The following SND1 variants were observed in gnomAD, a reference collection of about 807,000 sequenced individuals.
SND1 encodes staphylococcal nuclease domain-containing protein 1.
SND1 carries 38 observed loss-of-function variants against 121.7 expected under a neutral mutation model. The observed-to-expected ratio is 0.31, with a 90% CI of 0.24 to 0.41. The LOEUF is 0.41. SND1 is among the 10% of genes least tolerant of loss of function. The pLI is 1.00. For synonymous variants in SND1, 401 were observed against 447.4 expected (o/e 0.90, Z 1.31); for missense variants, 868 against 1,184.6 (o/e 0.73, Z 3.92).
intron 10 of SND1, among the ~76,000 whole-genome samples, chr7:127,723,556 G>A (rs1195325879): frequency 6.6e-6 from 1 of 152,120 alleles, no homozygotes; most frequent in African/African-American, 2.4e-5. Context: ...TTTACTGAAG[G>A]GCCACGTAAG....
intron 15 of SND1, among the ~76,000 whole-genome samples, chr7:127,982,301 C>G (rs1055448290): frequency 5.9e-5 from 9 of 152,128 alleles, no homozygotes; most frequent in African/African-American, 2.2e-4. Flanking sequence ...ACAAATGCAT[C>G]AAACATTACA....
At chr7:127,667,400 C>T (rs560810139) in intron 1 of SND1, among the ~76,000 whole-genome samples, 5 of 152,242 alleles carry the variant, frequency 3.3e-5, no homozygotes, top group Non-Finnish European at 5.9e-5. Context: ...TCCCCTACCA[C>T]GTTTTATCAT....
In SND1 at chr7:128,085,414, G is replaced by T. The variant is rs191379295; in HGVS notation, c.2235-297G>T. ...TTACAGCTGCTGTTTAGTGCACTGG[G>T]TTTAAACAGCAGACATCAATCTAGT... On this transcript the variant is annotated intron_variant, in intron 19 of 23. Transcript: ENST00000354725. The surrounding 1 kb of genome is among the most constrained non-coding windows in gnomAD (Gnocchi z 4.4). 1.3e-3 allele frequency among the ~76,000 whole-genome samples: 204 copies of T among 152,250 alleles called. No homozygotes were observed. Among genetic ancestry groups the T allele is most frequent in the African/African-American group, 4.7e-3 (194 of 41,570 alleles).
chr7:127,894,755 A>G (rs1001903799), intron 13 of SND1, among the ~76,000 whole-genome samples: 3 of 151,882 alleles, frequency 2.0e-5, no homozygotes, highest in Non-Finnish European at 4.4e-5. Flanking sequence ...AACAGTGGTC[A>G]AGGCTGGTCT....
chr7:127,993,555 C>G (rs1244835734), intron 16 of SND1, among the ~76,000 whole-genome samples: 1 of 152,250 alleles, frequency 6.6e-6, no homozygotes, highest in African/African-American at 2.4e-5. Context: ...CAGGAACTCT[C>G]CTGGAGCTGA....
intron 14 of SND1, among the ~76,000 whole-genome samples, chr7:127,908,912 G>T (rs1479388486): frequency 6.6e-6 from 1 of 152,158 alleles, no homozygotes; most frequent in African/African-American, 2.4e-5. Context: ...GCTTACTGTT[G>T]TTCTGGTAGA....
At chr7:127,918,174 C>T (rs1010082611) in intron 14 of SND1, among the ~76,000 whole-genome samples, 1 of 151,430 alleles carries the variant, frequency 6.6e-6, no homozygotes, top group African/African-American at 2.4e-5. Flanking sequence ...AAGTGATTCT[C>T]ATGTCTCCCG....
intron 1 of SND1, among the ~76,000 whole-genome samples, chr7:127,667,474 T>C (rs1795438858): frequency 6.6e-6 from 1 of 152,208 alleles, no homozygotes; most frequent in Non-Finnish European, 1.5e-5. Context: ...GGCAGTGCTG[T>C]GAGGAGGAGA....
Position 127,652,426 on chromosome 7 carries a change from C to T in SND1, c.53C>T (p.Thr18Ile). ...TCCTCCGGGGGACCCGCGGTCCCCACCGTGCAGCGGGGCATCATCAAGATG... is the reference window on the plus strand; with the variant it reads ...TCCTCCGGGGGACCCGCGGTCCCCATCGTGCAGCGGGGCATCATCAAGATG... ...GGSSGGPAVP[T>I]VQRGIIKMVL... Residue 18 changes from threonine to isoleucine, a missense_variant, in exon 1 of 24, where the codon ACC becomes ATC. Thr to Ile is a moderately conservative substitution (Grantham distance 89). Coordinates refer to ENST00000354725, the MANE Select transcript of SND1 (RefSeq NM_014390.4). The T allele has an allele frequency of 6.3e-7, 1 of 1,589,042 alleles. No homozygotes were observed. The highest frequency in any genetic ancestry group is 8.6e-7 in the Non-Finnish European group (1 of 1,168,262).
Position 128,091,824 on chromosome 7 carries a change from C to G in SND1, c.2623-13C>G, listed in dbSNP as rs374482222. 2 of 1,614,134 alleles carry G rather than the reference C, an allele frequency of 1.2e-6. No homozygotes were observed. Among genetic ancestry groups the G allele is most frequent in the Admixed American group, 3.3e-5 (2 of 60,022 alleles). On this transcript the variant is annotated splice_polypyrimidine_tract_variant and intron_variant, in intron 22 of 23. Transcript: ENST00000354725. The stretch of plus-strand genomic sequence containing the variant: ...CAACTCTGACCACTCCCTTTCTTCT[C>G]TCGTCCCTCCAGATCACAGAATACC...
intron 9 of SND1, among the ~76,000 whole-genome samples, 193 bp from the exon 10 acceptor site, chr7:127,721,094 A>G (rs1413574825): frequency 6.6e-6 from 1 of 152,228 alleles, no homozygotes; most frequent in Non-Finnish European, 1.5e-5. Context: ...TTGAGAAATC[A>G]TAATAAGGTC....
intron 16 of SND1, among the ~76,000 whole-genome samples, chr7:128,014,825 AAAGAATGCTTCCCT>A (rs1803193030): frequency 1.3e-5 from 2 of 152,210 alleles, no homozygotes; most frequent in Non-Finnish European, 1.5e-5. Context: ...ATTCTAGCTC[AAAGAATGCTTCCCT>A]GTATCCATCC....
At chr7:127,670,441 C>T (rs1259018979) in intron 1 of SND1, among the ~76,000 whole-genome samples, 3 of 152,088 alleles carry the variant, frequency 2.0e-5, no homozygotes, top group Non-Finnish European at 4.4e-5. Flanking sequence ...TTTGATAATA[C>T]GATTCTTTTT....
At chr7:127,721,434 TA>T (rs1246174869) in intron 10 of SND1, 34 bp downstream of exon 10, 1 of 1,275,600 alleles carries the variant, frequency 7.8e-7, no homozygotes, top group Admixed American at 1.7e-5. Context: ...CCTCTTTGCA[TA>T]AACCAAAAGG....
intron 16 of SND1, among the ~76,000 whole-genome samples, chr7:128,065,274 A>T (rs1299154295): frequency 6.6e-6 from 1 of 152,218 alleles, no homozygotes; most frequent in Non-Finnish European, 1.5e-5. Flanking sequence ...TGGATGCTAA[A>T]TGCTTCTTAA....
chr7:127,990,982 G>T lies in SND1; in HGVS notation c.1705G>T (p.Gly569Cys). Residue 569 changes from glycine (G) to cysteine (C), a missense_variant, in exon 16 of 24, where the codon GGC (glycine) becomes TGC (cysteine). Around this residue, in one of 2 missense-constraint regions of SND1, gnomAD observed 743 missense variants for 1,071.3 expected, o/e 0.69. Transcript: ENST00000354725. ...CCCCAGAGGAGCCCGAAACCTCCCA[G>T]GCTTGGTGCAGGAAGGAGAGCCCTT... ...ECPRGARNLP[G>C]LVQEGEPFSE... The T allele has an allele frequency of 6.2e-7, 1 of 1,614,046 alleles. No individual in the cohort carries two copies. Among genetic ancestry groups the T allele is most frequent in the Non-Finnish European group, 8.5e-7 (1 of 1,179,962 alleles).
chr7:128,026,684 C>T (rs1803487209), intron 16 of SND1, among the ~76,000 whole-genome samples: 1 of 152,196 alleles, frequency 6.6e-6, no homozygotes, highest in African/African-American at 2.4e-5. Flanking sequence ...TCCAGGTCCC[C>T]CAGGTTCCTC....
At chr7:127,891,165 G>C (rs904995968) in intron 13 of SND1, among the ~76,000 whole-genome samples, 1 of 152,042 alleles carries the variant, frequency 6.6e-6, no homozygotes, top group Non-Finnish European at 1.5e-5. Context: ...AGATAGGAAT[G>C]GTGGTTTTGT....
At chr7:127,993,551 C>T (rs570836090) in intron 16 of SND1, among the ~76,000 whole-genome samples, 2 of 152,384 alleles carry the variant, frequency 1.3e-5, no homozygotes, top group Admixed American at 1.3e-4. Flanking sequence ...AGTGCAGGAA[C>T]TCTCCTGGAG....
Sources: allele counts gnomAD v4.1 joint callset (sites outside exome capture counted in the v4.1 genomes callset), GRCh38; gene constraint gnomAD v4.1.1; regional missense constraint gnomAD v4.1.1; non-coding constraint Gnocchi (gnomAD v3.1); transcripts MANE v1.5; gene names NCBI Gene and HGNC (gene_info 2026-07-23, HGNC 2026-07-21).